The following CHD8 variants were observed in gnomAD, a reference collection of about 807,000 sequenced individuals.
The protein encoded by CHD8 is chromodomain helicase DNA binding protein 8, also known as ATP-dependent chromatin remodeler CHD8.
CHD8 carries 31 observed loss-of-function variants against 279.2 expected under a neutral mutation model. The ratio of observed to expected loss-of-function variants is 0.11; its 90% confidence interval spans 0.08 to 0.15. The LOEUF (loss-of-function observed/expected upper bound fraction) is 0.15. Among genes scored for constraint, CHD8 ranks in the 10% least tolerant of loss-of-function variants. The pLI is 1.00. For missense variants in CHD8, 2,146 were observed against 3,230.5 expected (o/e 0.66, Z 8.14); for synonymous variants, 1,081 against 1,139.6 (o/e 0.95, Z 1.04).
rs183488415 is a variant in CHD8, at chr14:21,433,224, T to C, written c.-215-1366A>G. ...GAAACTAAATGGTATCCTTTGATTC[T>C]AACATGAGATGGTAAAAAGCTTCCT... On this transcript the variant is annotated intron_variant, in intron 1 of 37. Coordinates refer to ENST00000646647, the MANE Select transcript of CHD8 (RefSeq NM_001170629.2). Among the ~76,000 whole-genome samples the C allele has an allele frequency of 3.9e-3, 587 of 152,342 alleles. 1 individual carries two copies. The highest frequency in any genetic ancestry group is 6.8e-3 in the Non-Finnish European group (460 of 68,026).
At chr14:21,396,400 G>A (rs61973168) in intron 27 of CHD8, among the ~76,000 whole-genome samples, 3,764 of 151,828 alleles carry the variant, frequency 0.025, 51 homozygotes, top group African/African-American at 0.033. Context: ...TGTGCCTCCC[G>A]GGTTCAAGCG....
chr14:21,415,347 G>C (rs979270878), intron 7 of CHD8: 5 of 329,692 alleles, frequency 1.5e-5, no homozygotes, highest in Non-Finnish European at 2.6e-5. Flanking sequence ...TATTAAGATA[G>C]AGAAAAGCCA....
chr14:21,386,307 C>T (rs930858638), intron 37 of CHD8, 131 bp from the exon 38 acceptor site: 27 of 784,946 alleles, frequency 3.4e-5, no homozygotes, highest in South Asian at 3.8e-5. Context: ...ACAAGCACAG[C>T]GATACTAGGC....
chr14:21,426,272 G>T, intron 4 of CHD8, 30 bp from the exon 5 acceptor site: 1 of 1,208,848 alleles, frequency 8.3e-7, no homozygotes, highest in Non-Finnish European at 1.2e-6. Flanking sequence ...TTCATTTTCA[G>T]TGAAAGCAAA....
chr14:21,426,224 C>T lies in CHD8; in HGVS notation c.1620G>A (p.Val540=). ...KSKLNTITPV[V]GKKRKRNTSS... is the part of the protein sequence containing the mutation. Reference sequence around the variant, plus strand: ...AGGTATTACGTTTTCTCTTCTTACCCACTACAGGAGTGATGGTGCTAAAAA... The same window carrying T: ...AGGTATTACGTTTTCTCTTCTTACCTACTACAGGAGTGATGGTGCTAAAAA... The change falls in exon 5 of 38, where the codon GTG becomes GTA. Residue 540 remains valine (V), a synonymous_variant. Transcript: ENST00000646647. The T allele has an allele frequency of 1.2e-6, 2 of 1,601,776 alleles. No homozygotes were observed. The highest frequency in any genetic ancestry group is 1.7e-6 in the Non-Finnish European group (2 of 1,169,786).
chr14:21,449,126 A>ATC (rs1890198645), intron 1 of CHD8, among the ~76,000 whole-genome samples: 1 of 152,020 alleles, frequency 6.6e-6, no homozygotes, highest in Non-Finnish European at 1.5e-5. Context: ...GTGAGCCAAG[A>ATC]CTGCGCCACT....
chr14:21,428,985 G>A lies in CHD8; in HGVS notation c.1194C>T (p.Val398=). The part of the protein sequence containing the change: ...QSPGQRLSVP[V]KVVLQPQAGS... The stretch of plus-strand genomic sequence containing the variant: ...TCACCTGTGGCTGCAGTACCACCTT[G>A]ACTGGTACTGAAAGTCTTTGTCCTG... Residue 398 remains valine (V), a synonymous_variant, in exon 3 of 38, where the codon GTC becomes GTT. Coordinates refer to ENST00000646647, the MANE Select transcript of CHD8 (RefSeq NM_001170629.2). 1 of 1,613,830 alleles carries A rather than the reference G, an allele frequency of 6.2e-7. No individual in the cohort carries two copies. Among genetic ancestry groups the A allele is most frequent in the East Asian group, 2.2e-5 (1 of 44,878 alleles).
At chr14:21,418,296 T>C (rs1888836200) in intron 5 of CHD8, among the ~76,000 whole-genome samples, 1 of 151,712 alleles carries the variant, frequency 6.6e-6, no homozygotes, top group Non-Finnish European at 1.5e-5. Context: ...GGCGGGCAGA[T>C]CATTTGAGGT....
intron 5 of CHD8, among the ~76,000 whole-genome samples, chr14:21,418,872 T>C (rs1014502004): frequency 6.6e-6 from 1 of 151,950 alleles, no homozygotes; most frequent in Admixed American, 6.6e-5. Flanking sequence ...TAATCTAAGG[T>C]AAGAGAGAGC....
intron 1 of CHD8, among the ~76,000 whole-genome samples, chr14:21,452,449 G>A (rs1890279692): frequency 6.6e-6 from 1 of 151,924 alleles, no homozygotes. Context: ...TTTGAGACAA[G>A]CCTGGCCAAC....
rs541954776 is a variant in CHD8, at chr14:21,389,110, A to T, written c.7182+1837T>A. ...AGGTCAGTAGTTCGAGACCAGCCTGACCAACATGGTGAAACCCCGTCTCTA... is the reference window on the plus strand; with the variant it reads ...AGGTCAGTAGTTCGAGACCAGCCTGTCCAACATGGTGAAACCCCGTCTCTA... On this transcript the variant is annotated intron_variant, in intron 37 of 37. Coordinates refer to ENST00000646647, the MANE Select transcript of CHD8 (RefSeq NM_001170629.2). 3.3e-5 allele frequency among the ~76,000 whole-genome samples: 5 copies of T among 150,474 alleles called. No homozygotes were observed. The South Asian group carries it at 1.1e-3, about 32-fold the overall frequency.
At position 21,431,201 on chromosome 14, in the gene CHD8, G is replaced by A. The variant is rs1252386455; in HGVS notation, c.443C>T (p.Ala148Val). Residue 148 changes from alanine to valine, a missense_variant, in exon 2 of 38, where the codon GCT becomes GTT. Around this residue, in one of 26 missense-constraint regions of CHD8, gnomAD observed 302 missense variants for 325.5 expected, o/e 0.93. Coordinates refer to ENST00000646647, the MANE Select transcript of CHD8 (RefSeq NM_001170629.2). The part of the protein sequence containing the change: ...VSATAVSSSS[A>V]GGQPPQSAPK... ...GGCTGACTGAGGTGGCTGCCCTCCA[G>A]CACTACTGGAGGAGACAGCTGTGGC... 6.3e-7 allele frequency: 1 copy of A among 1,599,140 alleles called. No individual in the cohort carries two copies. Among genetic ancestry groups the A allele is most frequent in the East Asian group, 2.2e-5 (1 of 44,858 alleles).
chr14:21,441,867 T>A (rs185998377), intron 1 of CHD8, among the ~76,000 whole-genome samples: 2 of 149,892 alleles, frequency 1.3e-5, no homozygotes, highest in Non-Finnish European at 3.0e-5. Context: ...CCAGCCTGGG[T>A]GACAGAGCGA....
intron 14 of CHD8, 131 bp downstream of exon 14, chr14:21,406,725 C>T: frequency 1.3e-6 from 1 of 754,282 alleles, no homozygotes; most frequent in Non-Finnish European, 2.0e-6. Flanking sequence ...TTACCATTCC[C>T]ATAGGTCATC....
intron 1 of CHD8, among the ~76,000 whole-genome samples, chr14:21,444,243 T>C (rs1297344901): frequency 6.6e-6 from 1 of 152,244 alleles, no homozygotes; most frequent in African/African-American, 2.4e-5. Context: ...TAGTAGGTAC[T>C]TGACAAATGT....
intron 9 of CHD8, among the ~76,000 whole-genome samples, chr14:21,413,395 CTTT>C (rs577919700): frequency 5.0e-5 from 7 of 141,264 alleles, no homozygotes; most frequent in East Asian, 2.0e-4. Context: ...ATACCTAAAC[CTTT>C]TTTTTTTTTT....
intron 5 of CHD8, among the ~76,000 whole-genome samples, chr14:21,424,719 C>T (rs931948141): frequency 6.6e-6 from 1 of 152,196 alleles, no homozygotes; most frequent in Non-Finnish European, 1.5e-5. Flanking sequence ...GATATGCCCG[C>T]CTCGGCCTCC....
intron 5 of CHD8, 160 bp from the exon 6 acceptor site, chr14:21,416,067 T>C (rs1888710403): frequency 4.6e-6 from 3 of 652,406 alleles, no homozygotes; most frequent in Non-Finnish European, 8.0e-6. Context: ...ACAATGTGAT[T>C]ATGCTATGTA....
chr14:21,443,906 TA>T (rs1400508037), intron 1 of CHD8, among the ~76,000 whole-genome samples: 1 of 151,440 alleles, frequency 6.6e-6, no homozygotes, highest in Non-Finnish European at 1.5e-5. Flanking sequence ...CCACTGGATG[TA>T]ATACTTGAAA....
Sources: allele counts gnomAD v4.1 joint callset (sites outside exome capture counted in the v4.1 genomes callset), GRCh38; gene constraint gnomAD v4.1.1; regional missense constraint gnomAD v4.1.1; transcripts MANE v1.5; gene names NCBI Gene and HGNC (gene_info 2026-07-23, HGNC 2026-07-21).